Variants in BRSK2 observed in about 807,000 individuals in gnomAD.
BRSK2 encodes BR serine/threonine kinase 2.
BRSK2 carries 19 observed loss-of-function variants against 83.3 expected under a neutral mutation model. The ratio of observed to expected loss-of-function variants is 0.23; its 90% CI spans 0.16 to 0.33. The LOEUF (loss-of-function observed/expected upper bound fraction) is 0.33, where lower values mean the gene tolerates loss of function less well. Among genes scored for constraint, BRSK2 ranks in the 10% least tolerant of loss-of-function variants. The probability of loss-of-function intolerance (pLI) is 1.00; values close to 1 mark genes in which losing one functional copy is unlikely to be tolerated. For synonymous variants in BRSK2, 519 were observed against 435.4 expected (o/e 1.19, Z -2.39); for missense variants, 798 against 1,042.3 (o/e 0.77, Z 3.23).
chr11:1,438,903 C>G lies in BRSK2; in HGVS notation c.272+512C>G, dbSNP rs1163948602. On this transcript the variant is annotated intron_variant, in intron 3 of 19. Transcript: ENST00000528841. This position sits in a 1 kb window ranked among gnomAD's most constrained non-coding sequence, Gnocchi z 6.4. ...CCGCTGAGGCCAGCAGAAATCCCTACCCTGTCCCAGGCATGCCTGGCTGTG... is the reference window on the plus strand; with the variant it reads ...CCGCTGAGGCCAGCAGAAATCCCTAGCCTGTCCCAGGCATGCCTGGCTGTG... 6.6e-6 allele frequency among the ~76,000 whole-genome samples: 1 copy of G among 152,194 alleles called. No individual in the cohort carries two copies. The highest frequency in any genetic ancestry group is 1.9e-4 in the East Asian group (1 of 5,182).
intron 1 of BRSK2, among the ~76,000 whole-genome samples, chr11:1,407,154 G>A (rs1175264725): frequency 6.6e-6 from 1 of 152,158 alleles, no homozygotes; most frequent in African/African-American, 2.4e-5. Context: ...TGCAGGCCCT[G>A]GAGGAGGCTG....
At chr11:1,458,095 C>T (rs1256381952) in intron 18 of BRSK2, among the ~76,000 whole-genome samples, 1 of 152,134 alleles carries the variant, frequency 6.6e-6, no homozygotes, top group Non-Finnish European at 1.5e-5. Context: ...GACAGGGCAG[C>T]CACCTAGGCC....
chr11:1,405,368 C>G (rs937952508), intron 1 of BRSK2, among the ~76,000 whole-genome samples: 10 of 152,072 alleles, frequency 6.6e-5, no homozygotes, highest in Admixed American at 1.3e-4. Flanking sequence ...GTGTGCGTGC[C>G]CACCTGTGTG....
intron 19 of BRSK2, 22 bp downstream of exon 19, chr11:1,459,261 C>G: frequency 6.2e-7 from 1 of 1,612,626 alleles, no homozygotes; most frequent in Non-Finnish European, 8.5e-7. Flanking sequence ...CCACGCTCAC[C>G]TGGCACCTCC....
Position 1,460,864 on chromosome 11 carries a change from G to C in BRSK2, c.*141G>C. 2 of 1,571,394 alleles carry C rather than the reference G, an allele frequency of 1.3e-6. No individual in the cohort carries two copies. The highest frequency in any genetic ancestry group is 1.7e-6 in the Non-Finnish European group (2 of 1,160,638). ...GAGCCTGGGAGGAAAGGAAAGGGGC[G>C]TTGGGGCCGGCCTGTGGGCTGCGCC... is the stretch of plus-strand genomic sequence containing the variant. On this transcript the variant is annotated 3_prime_UTR_variant, in exon 20 of 20. Transcript: ENST00000528841.
Position 1,438,154 on chromosome 11 carries a change from C to A in BRSK2, c.187-152C>A. On this transcript the variant is annotated intron_variant, in intron 2 of 19. Transcript: ENST00000528841. This position sits in a 1 kb window ranked among gnomAD's most constrained non-coding sequence, Gnocchi z 6.4. ...AGCTGGCACCAAAGGCCCCTGCGTC[C>A]CCCACAGCTGGCACCAAAGGCCCCT... 1 of 545,798 alleles carries A rather than the reference C, an allele frequency of 1.8e-6. No individual in the cohort carries two copies. The highest frequency in any genetic ancestry group is 3.2e-6 in the Non-Finnish European group (1 of 311,576). The allele number at this position is 545,798 out of a possible 1,614,324, so 33.8% of individuals were successfully genotyped here.
chr11:1,416,444 G>A (rs183650134), intron 1 of BRSK2, among the ~76,000 whole-genome samples: 38 of 152,304 alleles, frequency 2.5e-4, no homozygotes, highest in Non-Finnish European at 4.9e-4. Flanking sequence ...CCCAGTGCCC[G>A]TCACCTCTCC....
rs202184010 is a variant in BRSK2, at chr11:1,420,380, G to A, written c.92-15660G>A. Reference sequence around the variant, plus strand: ...CAGGGTGTCTGCAGCCCCACCTGAGGCCTGCCCTGCACTCTGGCTAACAGA... The same window carrying A: ...CAGGGTGTCTGCAGCCCCACCTGAGACCTGCCCTGCACTCTGGCTAACAGA... On this transcript the variant is annotated intron_variant, in intron 1 of 19. Coordinates refer to ENST00000528841, the MANE Select transcript of BRSK2 (RefSeq NM_001256627.2). Among the ~76,000 whole-genome samples, 19 of 152,328 alleles carry A rather than the reference G, an allele frequency of 1.2e-4. No homozygotes were observed. The East Asian group carries it at 3.3e-3, about 26-fold the overall frequency.
chr11:1,457,958 T>G (rs1301523054), intron 18 of BRSK2, among the ~76,000 whole-genome samples: 1 of 152,124 alleles, frequency 6.6e-6, no homozygotes, highest in Non-Finnish European at 1.5e-5. Context: ...GGGTTCCAGG[T>G]GCTCGGCCCC....
chr11:1,460,774 C>G lies in BRSK2; in HGVS notation c.*51C>G, dbSNP rs1847399498. On this transcript the variant is annotated 3_prime_UTR_variant, in exon 20 of 20. Transcript: ENST00000528841. ...AGCACTGACAGCGGCTGCCTCGCCG[C>G]CCGCCGCCCGCCCTGCCCCGAGTGG... 1.4e-6 allele frequency: 2 copies of G among 1,420,570 alleles called. No homozygotes were observed. The highest frequency in any genetic ancestry group is 1.8e-6 in the Non-Finnish European group (2 of 1,094,240). 88.0% of individuals were successfully genotyped at this position (1,420,570 alleles called of 1,614,324 possible).
At chr11:1,405,883 C>T (rs1438604354) in intron 1 of BRSK2, among the ~76,000 whole-genome samples, 3 of 152,188 alleles carry the variant, frequency 2.0e-5, no homozygotes, top group African/African-American at 4.8e-5. Context: ...CACCCCTTGC[C>T]GAGTGATTGG....
At chr11:1,450,531 C>A in intron 13 of BRSK2, 56 bp from the exon 14 acceptor site, 2 of 897,608 alleles carry the variant, frequency 2.2e-6, no homozygotes, top group South Asian at 3.2e-5. Context: ...CGGGTGCCCC[C>A]CCGGCCCCCA....
rs749663356 is a variant in BRSK2 at position 1,438,262 on chromosome 11, C to T, written c.187-44C>T. 3 of 1,588,244 alleles carry T rather than the reference C, an allele frequency of 1.9e-6. No individual in the cohort carries two copies. In the East Asian group the frequency reaches 6.7e-5, roughly 35 times the overall value. Reference sequence around the variant, plus strand: ...CAGTGTCTGTGGGGAGCGATGCGTGCCCCAGCCCTGTGAGCGTGATGTTCT... The same window carrying T: ...CAGTGTCTGTGGGGAGCGATGCGTGTCCCAGCCCTGTGAGCGTGATGTTCT... On this transcript the variant is annotated intron_variant, in intron 2 of 19. Transcript: ENST00000528841. This position sits in a 1 kb window ranked among gnomAD's most constrained non-coding sequence, Gnocchi z 6.4.
At chr11:1,459,075 GGGCCCTACCCACTCCT>G in intron 18 of BRSK2, 101 bp from the exon 19 acceptor site, 1 of 1,001,782 alleles carries the variant, frequency 1.0e-6, no homozygotes. Context: ...CATGCCTCTG[GGGCCCTACCCACTCCT>G]GGCTCCACCC....
intron 12 of BRSK2, among the ~76,000 whole-genome samples, chr11:1,449,259 C>T (rs926637463): frequency 7.2e-5 from 11 of 152,242 alleles, no homozygotes; most frequent in African/African-American, 2.7e-4. Context: ...CAGCCTGGCC[C>T]TGCCCAGGCC....
chr11:1,450,220 G>A (rs1590646455), intron 13 of BRSK2, among the ~76,000 whole-genome samples: 1 of 151,530 alleles, frequency 6.6e-6, no homozygotes, highest in South Asian at 2.1e-4. Flanking sequence ...CCTCCCCGTA[G>A]CCTATTAGGA....
Position 1,459,296 on chromosome 11 carries a change from C to T in BRSK2, c.1987+57C>T, listed in dbSNP as rs528693865. On this transcript the variant is annotated intron_variant, in intron 19 of 19. Coordinates refer to ENST00000528841, the MANE Select transcript of BRSK2 (RefSeq NM_001256627.2). ...CACCTGCCACTTCACCGCTCACCCT[C>T]AGCCCGCTGTGGCCGCCACCTGCCG... The T allele has an allele frequency of 1.4e-4, 220 of 1,600,252 alleles. No individual in the cohort carries two copies. In the East Asian group the frequency reaches 4.6e-3, roughly 33 times the overall value.
chr11:1,392,978 G>A (rs1243946180), intron 1 of BRSK2, among the ~76,000 whole-genome samples: 2 of 152,140 alleles, frequency 1.3e-5, no homozygotes, highest in Non-Finnish European at 2.9e-5. Flanking sequence ...AAGCCTCCTC[G>A]CCGGCTGCTT....
At chr11:1,399,724 G>A (rs1846350868) in intron 1 of BRSK2, among the ~76,000 whole-genome samples, 1 of 152,212 alleles carries the variant, frequency 6.6e-6, no homozygotes, top group Non-Finnish European at 1.5e-5. Context: ...TCTGCCGGGT[G>A]GACATGGGGG....
Sources: allele counts gnomAD v4.1 joint callset (sites outside exome capture counted in the v4.1 genomes callset), GRCh38; gene constraint gnomAD v4.1.1; non-coding constraint Gnocchi (gnomAD v3.1); transcripts MANE v1.5; gene names NCBI Gene and HGNC (gene_info 2026-07-23, HGNC 2026-07-21).